ACOX3: variants seen among roughly 807,000 people sequenced by gnomAD.
ACOX3 encodes peroxisomal acyl-coenzyme A oxidase 3.
A neutral mutation model predicts 81.5 loss-of-function variants in ACOX3; 73 were observed. The observed-to-expected ratio is 0.90, with a 90% CI of 0.74 to 1.09. ACOX3 has a LOEUF of 1.09. ACOX3 is among the 50% of genes least tolerant of loss of function. The pLI, the probability that ACOX3 is intolerant of heterozygous loss-of-function variation, is 0.00. For synonymous variants in ACOX3, 387 were observed against 375.1 expected (o/e 1.03, Z -0.37); for missense variants, 947 against 928.0 (o/e 1.02, Z -0.27).
rs1359804770 is a variant in ACOX3 at position 8,381,124 on chromosome 4, C to T, written c.1653+368G>A. The stretch of plus-strand genomic sequence containing the variant: ...CGAGAGCAACTTGTGGAAAACCAAG[C>T]AGGGCGCTGGCATCACTCCCACGAG... On this transcript the variant is annotated intron_variant, in intron 14 of 17. Transcript: ENST00000356406. The surrounding 1 kb of genome is among the most constrained non-coding windows in gnomAD (Gnocchi z 4.3). Among the ~76,000 whole-genome samples the T allele has an allele frequency of 1.3e-5, 2 of 152,202 alleles. No individual in the cohort carries two copies. Among genetic ancestry groups the T allele is most frequent in the African/African-American group, 4.8e-5 (2 of 41,442 alleles).
intron 7 of ACOX3, among the ~76,000 whole-genome samples, chr4:8,402,160 C>A (rs2108912691): frequency 6.6e-6 from 1 of 152,366 alleles, no homozygotes; most frequent in East Asian, 1.9e-4. Flanking sequence ...GACACAGCGA[C>A]AGTTTCCACA....
At chr4:8,410,540 T>C (rs1229789183) in intron 5 of ACOX3, among the ~76,000 whole-genome samples, 185 bp from the exon 6 acceptor site, 1 of 152,232 alleles carries the variant, frequency 6.6e-6, no homozygotes, top group Non-Finnish European at 1.5e-5. Context: ...AGCCTATTCC[T>C]GGGCCTTATG....
rs1007748874 is a variant in ACOX3 at position 8,407,561 on chromosome 4, G to C, written c.688-1518C>G. Reference sequence around the variant, plus strand: ...GCTGTTTCGAGCGCCCTGCTTTGTGGTGCTTTGCTGTGGCAGCCATGAGAG... The same window carrying C: ...GCTGTTTCGAGCGCCCTGCTTTGTGCTGCTTTGCTGTGGCAGCCATGAGAG... On this transcript the variant is annotated intron_variant, in intron 6 of 17. Transcript: ENST00000356406. This position sits in a 1 kb window ranked among gnomAD's most constrained non-coding sequence, Gnocchi z 4.6. 6.6e-5 allele frequency among the ~76,000 whole-genome samples: 10 copies of C among 152,220 alleles called. No individual in the cohort carries two copies. The highest frequency in any genetic ancestry group is 1.0e-4 in the Non-Finnish European group (7 of 68,048).
chr4:8,373,085 T>C (rs1716432950), intron 16 of ACOX3, among the ~76,000 whole-genome samples: 2 of 152,020 alleles, frequency 1.3e-5, no homozygotes, highest in Non-Finnish European at 2.9e-5. Flanking sequence ...AAGAATATAA[T>C]AAACAAGGAA....
At chr4:8,378,204 G>C (rs1206519555) in intron 14 of ACOX3, among the ~76,000 whole-genome samples, 1 of 152,202 alleles carries the variant, frequency 6.6e-6, no homozygotes, top group African/African-American at 2.4e-5. Flanking sequence ...ACCCCAAACT[G>C]TCCAAATTCA....
rs1021383505 is a variant in ACOX3, at chr4:8,405,596, C to T, written c.776+359G>A. Reference sequence around the variant, plus strand: ...CCCTCGAGATCAGCATGGATGTGTGCAGAGGCCGAGCCGGGGGAGGCTCAG... The same window carrying T: ...CCCTCGAGATCAGCATGGATGTGTGTAGAGGCCGAGCCGGGGGAGGCTCAG... On this transcript the variant is annotated intron_variant, in intron 7 of 17. Transcript: ENST00000356406. This position sits in a 1 kb window ranked among gnomAD's most constrained non-coding sequence, Gnocchi z 7.1. Among the ~76,000 whole-genome samples, 1 of 152,332 alleles carries T rather than the reference C, an allele frequency of 6.6e-6. No homozygotes were observed. The highest frequency in any genetic ancestry group is 2.4e-5 in the African/African-American group (1 of 41,584).
rs144056829 is a variant in ACOX3, at chr4:8,409,639, C to A, written c.687+573G>T. ...GGTGGGGCTGTCTGTGCACTGTGGG[C>A]AGGGCTGTCTGTGCACTGTGGGCAG... On this transcript the variant is annotated intron_variant, in intron 6 of 17. Transcript: ENST00000356406. 7.4e-3 allele frequency among the ~76,000 whole-genome samples: 979 copies of A among 132,348 alleles called. 7 individuals carry two copies. Among genetic ancestry groups the A allele is most frequent in the African/African-American group, 0.027 (932 of 34,400 alleles). The allele number at this position is 132,348 out of a possible 152,430, so 86.8% of individuals were successfully genotyped here.
rs1293142449 is a variant in ACOX3, at chr4:8,370,343, CA to C, written c.1983+564del. 1.3e-5 allele frequency among the ~76,000 whole-genome samples: 2 copies of C among 151,982 alleles called. No individual in the cohort carries two copies. On this transcript the variant is annotated intron_variant, in intron 17 of 17. Transcript: ENST00000356406. This position sits in a 1 kb window ranked among gnomAD's most constrained non-coding sequence, Gnocchi z 6.3. ...TCGAGGAGGCTGGTGGAGGCTCCCT[CA>C]GGGGGGCGGCCTGACCCCATCTGCT...
chr4:8,408,506 C>T (rs527484034), intron 6 of ACOX3, among the ~76,000 whole-genome samples: 1 of 152,230 alleles, frequency 6.6e-6, no homozygotes, highest in East Asian at 1.9e-4. Context: ...ATAAACAAGT[C>T]TAAAACACTG....
chr4:8,382,104 C>T lies in ACOX3; in HGVS notation c.1538-497G>A, dbSNP rs1424882256. On this transcript the variant is annotated intron_variant, in intron 13 of 17. Transcript: ENST00000356406. The surrounding 1 kb of genome is among the most constrained non-coding windows in gnomAD (Gnocchi z 4.1). ...CCTTGGACCTCACCGCATGCTGGAGCTGTGGAACTGGGGACTGACATGGTG... is the reference window on the plus strand; with the variant it reads ...CCTTGGACCTCACCGCATGCTGGAGTTGTGGAACTGGGGACTGACATGGTG... Among the ~76,000 whole-genome samples, 1 of 152,204 alleles carries T rather than the reference C, an allele frequency of 6.6e-6. No individual in the cohort carries two copies. Among genetic ancestry groups the T allele is most frequent in the East Asian group, 1.9e-4 (1 of 5,194 alleles).
At chr4:8,356,228 TAG>T in the ACOX3 span, 1 of 313,162 alleles carries the variant, frequency 3.2e-6, no homozygotes, top group Non-Finnish European at 6.4e-6. Flanking sequence ...CCACATCCAA[TAG>T]ACAGTGTAGC....
chr4:8,380,925 G>A (rs3796744), intron 14 of ACOX3, among the ~76,000 whole-genome samples: 40,608 of 152,104 alleles, frequency 0.27, 8,067 homozygotes, highest in African/African-American at 0.57. Context: ...TAGGGCAGAT[G>A]GCTGGGACAG....
chr4:8,369,752 G>T (rs1715922048), intron 17 of ACOX3, among the ~76,000 whole-genome samples: 1 of 152,232 alleles, frequency 6.6e-6, no homozygotes, highest in African/African-American at 2.4e-5. Flanking sequence ...GGAGGGTCCT[G>T]CCCACTAAGG....
At chr4:8,417,471 G>A (rs115999866) in intron 1 of ACOX3, among the ~76,000 whole-genome samples, 1 of 151,986 alleles carries the variant, frequency 6.6e-6, no homozygotes, top group Non-Finnish European at 1.5e-5. Flanking sequence ...TCCAACAGCT[G>A]TGAGCCAAGT....
chr4:8,359,225 C>G, the ACOX3 span, among the ~76,000 whole-genome samples: 1 of 152,164 alleles, frequency 6.6e-6, no homozygotes, highest in African/African-American at 2.4e-5. The surrounding 1 kb of genome is among the most constrained non-coding windows in gnomAD (Gnocchi z 6.0). Context: ...GACCCCTCAA[C>G]CCAAAAGAAG....
In ACOX3 at chr4:8,375,017, G is replaced by A; in HGVS notation, c.1789C>T (p.Leu597=). 6.4e-7 allele frequency: 1 copy of A among 1,552,048 alleles called. No homozygotes were observed. Among genetic ancestry groups the A allele is most frequent in the Non-Finnish European group, 8.7e-7 (1 of 1,146,880 alleles). The change falls in exon 15 of 18, where the codon CTG becomes TTG. Residue 597 remains leucine (L), a synonymous_variant. Transcript: ENST00000356406. The part of the protein sequence containing the change: ...VLGRLSALYA[L]WSLSRHAALL... ...GCCGCGTGGCGGCTCAGGGACCACA[G>A]GGCGTACAGAGCACTGAGCCGCCCC...
At chr4:8,424,217 T>G (rs780247436) in intron 1 of ACOX3, among the ~76,000 whole-genome samples, 4 of 152,182 alleles carry the variant, frequency 2.6e-5, no homozygotes, top group Non-Finnish European at 4.4e-5. Context: ...TACAGTGAAA[T>G]AGCCAGGCCA....
At chr4:8,388,008 C>T (rs931440207) in intron 13 of ACOX3, among the ~76,000 whole-genome samples, 3 of 152,236 alleles carry the variant, frequency 2.0e-5, no homozygotes, top group Non-Finnish European at 2.9e-5. Flanking sequence ...ACAAACAGCA[C>T]ACCCCTTTCC....
chr4:8,420,461 A>C (rs1192543555), intron 1 of ACOX3, among the ~76,000 whole-genome samples: 1 of 152,194 alleles, frequency 6.6e-6, no homozygotes, highest in Admixed American at 6.5e-5. Flanking sequence ...TGGGGCTTGT[A>C]ACTCAGCTCA....
Sources: allele counts gnomAD v4.1 joint callset (sites outside exome capture counted in the v4.1 genomes callset), GRCh38; gene constraint gnomAD v4.1.1; non-coding constraint Gnocchi (gnomAD v3.1); transcripts MANE v1.5; gene names NCBI Gene and HGNC (gene_info 2026-07-23, HGNC 2026-07-21).